The following RABEPK variants were observed in gnomAD, a reference collection of about 807,000 sequenced individuals.
RABEPK encodes the protein Rab9 effector protein with kelch motifs.
A neutral mutation model predicts 34.1 loss-of-function variants in RABEPK; 27 were observed. The ratio of observed to expected loss-of-function variants is 0.79; its 90% CI spans 0.58 to 1.09. The LOEUF (loss-of-function observed/expected upper bound fraction) is 1.09. Among genes scored for constraint, RABEPK ranks in the 50% least tolerant of loss-of-function variants. The pLI is 0.00. For synonymous variants in RABEPK, 172 were observed against 169.2 expected, an observed-to-expected ratio of 1.02 and a Z score of -0.13; for missense variants, 449 against 462.6, an observed-to-expected ratio of 0.97 and a Z score of 0.27.
At chr9:125,206,719 C>G (rs1830248663) in intron 2 of RABEPK, among the ~76,000 whole-genome samples, 1 of 152,188 alleles carries the variant, frequency 6.6e-6, no homozygotes, top group Admixed American at 6.6e-5. Context: ...AAAGCTCTCG[C>G]CACCATTTAT....
At chr9:125,203,233 G>T (rs1830016912) in intron 2 of RABEPK, among the ~76,000 whole-genome samples, 167 bp downstream of exon 2, 1 of 152,146 alleles carries the variant, frequency 6.6e-6, no homozygotes, top group Non-Finnish European at 1.5e-5. Context: ...GGAAAGATAG[G>T]GGGGCAGTAA....
At chr9:125,214,588 A>C (rs1287224143) in intron 4 of RABEPK, among the ~76,000 whole-genome samples, 1 of 152,158 alleles carries the variant, frequency 6.6e-6, no homozygotes, top group Non-Finnish European at 1.5e-5. Context: ...TAGAGGAAGC[A>C]GTTTGGGAAC....
At chr9:125,200,941 C>G in intron 1 of RABEPK, 35 bp downstream of exon 1, 1 of 436,504 alleles carries the variant, frequency 2.3e-6, no homozygotes, top group South Asian at 1.7e-5. Flanking sequence ...AATCTATTTT[C>G]TTTCTTCATT....
chr9:125,213,632 A>G, intron 4 of RABEPK, 110 bp downstream of exon 4: 1 of 934,384 alleles, frequency 1.1e-6, no homozygotes, highest in Non-Finnish European at 1.6e-6. Flanking sequence ...GGATTATACT[A>G]ATTACCATTT....
intron 5 of RABEPK, chr9:125,220,948 C>A (rs1309924338): frequency 5.3e-6 from 2 of 376,928 alleles, no homozygotes; most frequent in Non-Finnish European, 9.3e-6. Context: ...AGGTGGACCG[C>A]TTAAGGTCAG....
chr9:125,233,717 G>T lies in RABEPK; in HGVS notation c.856G>T (p.Asp286Tyr). ...EEQHWTLLKF[D>Y]TLLPPGRLDH... ...GCAGCATTGGACCTTGCTTAAATTT[G>T]ATACTCTTCTACCCCCTGGACGATT... Residue 286 changes from aspartate (D) to tyrosine (Y), a missense_variant, in exon 8 of 8, where the codon GAT (aspartate) becomes TAT (tyrosine). Coordinates refer to ENST00000373538, the MANE Select transcript of RABEPK (RefSeq NM_005833.4). 6.2e-7 allele frequency: 1 copy of T among 1,613,958 alleles called. No individual in the cohort carries two copies. The highest frequency in any genetic ancestry group is 8.5e-7 in the Non-Finnish European group (1 of 1,179,946).
intron 5 of RABEPK, among the ~76,000 whole-genome samples, chr9:125,222,948 A>G (rs1483045943): frequency 6.6e-6 from 1 of 151,804 alleles, no homozygotes; most frequent in Non-Finnish European, 1.5e-5. Context: ...CTGGGATTAC[A>G]GGCATTGAGC....
chr9:125,224,628 ATATTCT>A (rs1293814574), intron 5 of RABEPK, among the ~76,000 whole-genome samples: 1 of 151,858 alleles, frequency 6.6e-6, no homozygotes, highest in Admixed American at 6.6e-5. Context: ...AATTTTTAAA[ATATTCT>A]TAGTAGAGAT....
At chr9:125,204,507 G>A (rs1830096251) in intron 2 of RABEPK, among the ~76,000 whole-genome samples, 1 of 152,092 alleles carries the variant, frequency 6.6e-6, no homozygotes, top group African/African-American at 2.4e-5. Flanking sequence ...CTTGAACCTG[G>A]GAGGTGGAGG....
rs1156512774 is a variant in RABEPK, at chr9:125,221,680, C to CT, written c.526+993dup. ...TGCCTGGGTGATTTTTTTTCTTTTT[C>CT]TTTTTTTTTTTTTGAGATGGAGTCT... is the stretch of plus-strand genomic sequence containing the variant. On this transcript the variant is annotated intron_variant, in intron 5 of 7. Transcript: ENST00000373538. The CT allele has an allele frequency of 8.0e-3, 1,131 of 141,664 alleles. 15 individuals are homozygous for CT. Among genetic ancestry groups the CT allele is most frequent in the African/African-American group, 0.025 (987 of 39,066 alleles). The allele number at this position is 141,664 out of a possible 1,614,324, so 8.8% of individuals were successfully genotyped here.
chr9:125,216,044 GCA>G (rs1403245352), intron 4 of RABEPK, among the ~76,000 whole-genome samples: 1 of 152,142 alleles, frequency 6.6e-6, no homozygotes, highest in African/African-American at 2.4e-5. Flanking sequence ...TGTAATCCCA[GCA>G]CTTTGGGAGG....
intron 3 of RABEPK, among the ~76,000 whole-genome samples, chr9:125,212,041 A>G (rs1830621723): frequency 1.3e-5 from 2 of 152,128 alleles, no homozygotes; most frequent in African/African-American, 4.8e-5. Flanking sequence ...TTCAACTTAC[A>G]TCTTTATTGC....
intron 2 of RABEPK, among the ~76,000 whole-genome samples, chr9:125,203,761 G>A (rs1401388678): frequency 5.9e-5 from 9 of 152,124 alleles, no homozygotes; most frequent in Non-Finnish European, 7.4e-5. Flanking sequence ...GGCTGGGCAC[G>A]GTGGCTCATG....
chr9:125,224,218 A>C (rs549505210), intron 5 of RABEPK, among the ~76,000 whole-genome samples: 113 of 151,092 alleles, frequency 7.5e-4, no homozygotes, highest in African/African-American at 2.1e-3. Flanking sequence ...CAAAACAAAA[A>C]AAAAAAACAA....
rs1345778669 is a variant in RABEPK, at chr9:125,203,003, C to T, written c.-6-5C>T. ...CTAAAAAGTGCCTTTCTTTCTTATG[C>T]ATAGGACACCATGAAGCAACTGCCA... On this transcript the variant is annotated splice_region_variant and splice_polypyrimidine_tract_variant and intron_variant, in intron 1 of 7. Coordinates refer to ENST00000373538, the MANE Select transcript of RABEPK (RefSeq NM_005833.4). 6.2e-7 allele frequency: 1 copy of T among 1,612,986 alleles called. No individual in the cohort carries two copies. Among genetic ancestry groups the T allele is most frequent in the African/African-American group, 1.3e-5 (1 of 74,978 alleles).
intron 5 of RABEPK, chr9:125,222,308 A>C (rs1031435273): frequency 2.0e-5 from 3 of 152,152 alleles, no homozygotes; most frequent in Admixed American, 2.0e-4. Flanking sequence ...AAGAAAAAAA[A>C]CATATGTATG....
rs567100621 is a variant in RABEPK at position 125,229,264 on chromosome 9, A to T, written c.676+1205A>T. On this transcript the variant is annotated intron_variant, in intron 6 of 7. Transcript: ENST00000373538. Reference sequence around the variant, plus strand: ...GCAAGACTCCGTCTCCAAAAAAAAAAGAAAAAAAGAAAAAAAAAATCAGCC... The same window carrying T: ...GCAAGACTCCGTCTCCAAAAAAAAATGAAAAAAAGAAAAAAAAAATCAGCC... 1.4e-3 allele frequency among the ~76,000 whole-genome samples: 218 copies of T among 150,774 alleles called. 1 individual carries two copies. Among genetic ancestry groups the T allele is most frequent in the African/African-American group, 5.2e-3 (213 of 41,266 alleles).
At position 125,227,960 on chromosome 9, in the gene RABEPK, CG is replaced by C. The variant is rs1216182027; in HGVS notation, c.579del (p.His194MetfsTer4). 2 of 1,608,542 alleles carry C rather than the reference CG, an allele frequency of 1.2e-6. No homozygotes were observed. Among genetic ancestry groups the C allele is most frequent in the African/African-American group, 2.7e-5 (2 of 74,678 alleles). Reference protein sequence around the residue: ...PETLGNPPSPRHGHVMVAAGT... With the variant: ...PETLGNPPSPXHGHVMVAAGT... ...GACACTTGGAAATCCTCCATCTCCC[CG>C]GCATGGTCATGTGATGGTGGCAGCA... On this transcript the variant is annotated frameshift_variant, in exon 6 of 8. Transcript: ENST00000373538. LOFTEE classifies it high-confidence loss of function.
At chr9:125,218,650 A>G (rs1564186352) in intron 4 of RABEPK, among the ~76,000 whole-genome samples, 1 of 152,148 alleles carries the variant, frequency 6.6e-6, no homozygotes, top group Non-Finnish European at 1.5e-5. Flanking sequence ...AATTAGAAAG[A>G]TCTTGGTGTT....
Sources: allele counts gnomAD v4.1 joint callset (sites outside exome capture counted in the v4.1 genomes callset), GRCh38; gene constraint gnomAD v4.1.1; transcripts MANE v1.5; gene names NCBI Gene and HGNC (gene_info 2026-07-23, HGNC 2026-07-21).